GCSAML: variants seen among roughly 807,000 people sequenced by gnomAD.
The protein encoded by GCSAML is germinal center-associated signaling and motility-like protein.
In GCSAML, 9 loss-of-function variants were observed where a neutral mutation model predicts 13.0. The observed-to-expected ratio is 0.69, with a 90% confidence interval of 0.42 to 1.21. GCSAML has a LOEUF of 1.21. Among genes scored for constraint, GCSAML ranks in the 50% most tolerant of loss-of-function variants. The pLI, the probability that GCSAML is intolerant of heterozygous loss-of-function variation, is 0.00. For missense variants in GCSAML, 143 were observed against 153.4 expected (o/e 0.93, Z 0.36); for synonymous variants, 37 against 52.9 (o/e 0.70, Z 1.31).
Position 247,549,150 on chromosome 1 carries a change from G to A in GCSAML, c.-42G>A, listed in dbSNP as rs1667681318. 1 of 1,614,006 alleles carries A rather than the reference G, an allele frequency of 6.2e-7. No homozygotes were observed. On this transcript the variant is annotated 5_prime_UTR_variant, in exon 1 of 5. Coordinates refer to ENST00000366488, the MANE Select transcript of GCSAML (RefSeq NM_145278.5). ...GCTTTGGTCAGAACTTCCCCAAGTG[G>A]AGTGAAACTCAGGAGCTGAGAAACC...
chr1:247,532,663 T>C, intron 2 of GCSAML: 1 of 746,208 alleles, frequency 1.3e-6, no homozygotes. Flanking sequence ...AATTTCACTG[T>C]GTTGCCCGGG....
At chr1:247,531,068 G>C (rs4925558) in intron 2 of GCSAML, 28,174 of 158,446 alleles carry the variant, frequency 0.18, 3,051 homozygotes, top group East Asian at 0.45. Context: ...TGGGCCGAGC[G>C]GGGGAGCCAC....
At chr1:247,530,703 A>C (rs186806588) in intron 2 of GCSAML, 4 of 151,272 alleles carry the variant, frequency 2.6e-5, no homozygotes. Flanking sequence ...ACACAAAACA[A>C]TGGATAGAAT....
chr1:247,547,795 C>T (rs1455528714), upstream of GCSAML, among the ~76,000 whole-genome samples: 1 of 152,132 alleles, frequency 6.6e-6, no homozygotes, highest in Non-Finnish European at 1.5e-5. Context: ...AAATATTGAT[C>T]CCAGTTTGAA....
intron 2 of GCSAML, chr1:247,533,835 T>A (rs1667109707): frequency 2.6e-5 from 4 of 152,248 alleles, no homozygotes; most frequent in Admixed American, 1.3e-4. Flanking sequence ...GTCAGTTGAT[T>A]TCTGTGAAAT....
chr1:247,539,984 T>G (rs1667355293), intron 2 of GCSAML, among the ~76,000 whole-genome samples: 1 of 152,136 alleles, frequency 6.6e-6, no homozygotes, highest in Admixed American at 6.5e-5. Flanking sequence ...TACTGTAGCC[T>G]CACAGGCTTC....
At chr1:247,521,352 CTCTCCCTCTCCACGG>C (rs879368559) in intron 1 of GCSAML, among the ~76,000 whole-genome samples, 3,076 of 108,688 alleles carry the variant, frequency 0.028, 165 homozygotes, top group African/African-American at 0.082. Context: ...CACGGTCTCC[CTCTCCCTCTCCACGG>C]TCTCCCTCTC....
chr1:247,549,111 AT>A, upstream of GCSAML: 1 of 1,613,624 alleles, frequency 6.2e-7, no homozygotes. Context: ...TGCCTCATGC[AT>A]TTTCCTCTTG....
chr1:247,546,618 G>T (rs12079488), upstream of GCSAML, among the ~76,000 whole-genome samples: 3 of 151,852 alleles, frequency 2.0e-5, no homozygotes, highest in African/African-American at 7.2e-5. Flanking sequence ...GCCTCGGCCT[G>T]CCAAAGTGCT....
Position 247,532,103 on chromosome 1 carries a change from T to G in GCSAML, c.-148+5049T>G. On this transcript the variant is annotated intron_variant, in intron 2 of 5. Transcript: ENST00000366489. ...AGCCCAAGGCAAAGCTGTGGATGCA[T>G]AATGACAGTGTAATGGAGTGGCCTG... 2.5e-6 allele frequency: 4 copies of G among 1,614,054 alleles called. No individual in the cohort carries two copies. The South Asian group carries it at 3.3e-5, about 13-fold the overall frequency.
At chr1:247,561,085 C>G (rs1248873298) in intron 2 of GCSAML, among the ~76,000 whole-genome samples, 2 of 152,128 alleles carry the variant, frequency 1.3e-5, no homozygotes, top group African/African-American at 4.8e-5. Context: ...TCCCAAGTAG[C>G]TGAGACTACA....
intron 2 of GCSAML, among the ~76,000 whole-genome samples, chr1:247,534,535 T>C (rs1024243561): frequency 1.6e-4 from 25 of 152,348 alleles, no homozygotes; most frequent in African/African-American, 6.0e-4. Flanking sequence ...GCAGGGGCAG[T>C]GCATAAAGTC....
chr1:247,514,360 A>G (rs1030379048), intron 1 of GCSAML, among the ~76,000 whole-genome samples: 5 of 151,952 alleles, frequency 3.3e-5, no homozygotes, highest in African/African-American at 1.2e-4. Flanking sequence ...TTCTTTGTAG[A>G]TTTTAGATAT....
intron 1 of GCSAML, among the ~76,000 whole-genome samples, chr1:247,551,053 CA>C (rs1476493418): frequency 6.6e-6 from 1 of 152,168 alleles, no homozygotes; most frequent in African/African-American, 2.4e-5. Context: ...ATGAATCTTA[CA>C]TGTAATTTAT....
rs182915173 is a variant in GCSAML, at chr1:247,539,319, A to G, written c.-147-9726A>G. On this transcript the variant is annotated intron_variant, in intron 2 of 5. Transcript: ENST00000366489. ...AAAATGGTGTCATTAACATGATCTG[A>G]GGGTGGAGTTTTGGGCACTGTGACA... 6.6e-5 allele frequency among the ~76,000 whole-genome samples: 10 copies of G among 152,198 alleles called. No individual in the cohort carries two copies. In the East Asian group the frequency reaches 1.9e-3, roughly 29 times the overall value.
intron 1 of GCSAML, among the ~76,000 whole-genome samples, chr1:247,553,432 C>T (rs541074864): frequency 1.7e-4 from 26 of 152,186 alleles, no homozygotes; most frequent in African/African-American, 6.3e-4. Flanking sequence ...TGTTTTATAG[C>T]ATAGTTATGT....
In GCSAML at chr1:247,575,594, T is replaced by G. The variant is rs1668806808; in HGVS notation, c.*1212T>G. The stretch of plus-strand genomic sequence containing the variant: ...ATTAATAGTTTTTGACATTGGCTTT[T>G]CTGAGAAGAGAAATTGAAAGTGTCA... On this transcript the variant is annotated 3_prime_UTR_variant, in exon 5 of 5. Transcript: ENST00000366488. The G allele has an allele frequency of 6.6e-6, 1 of 152,228 alleles. No individual in the cohort carries two copies. Among genetic ancestry groups the G allele is most frequent in the Non-Finnish European group, 1.5e-5 (1 of 68,042 alleles). 9.4% of individuals were successfully genotyped at this position (152,228 alleles called of 1,614,324 possible).
At chr1:247,550,681 G>A (rs1667750751) in intron 1 of GCSAML, among the ~76,000 whole-genome samples, 1 of 152,120 alleles carries the variant, frequency 6.6e-6, no homozygotes, top group African/African-American at 2.4e-5. Context: ...GTTCATGGAT[G>A]GAGAAGGGCC....
chr1:247,534,867 A>G (rs1372431439), intron 2 of GCSAML, among the ~76,000 whole-genome samples: 1 of 152,200 alleles, frequency 6.6e-6, no homozygotes, highest in Non-Finnish European at 1.5e-5. Flanking sequence ...AACTCTAGGC[A>G]TTTGTTAAAA....
Sources: gnomAD v4.1 joint callset for allele counts (sites outside exome capture counted in the v4.1 genomes callset) on GRCh38, gnomAD v4.1.1 for gene constraint, MANE v1.5 for transcripts, NCBI Gene and HGNC (gene_info 2026-07-23, HGNC 2026-07-21) for gene names.